The following RAB27A variants were observed in gnomAD, a reference collection of about 807,000 sequenced individuals.
RAB27A encodes RAB27A, member RAS oncogene family.
A neutral mutation model predicts 20.8 loss-of-function variants in RAB27A; 17 were observed. The observed-to-expected ratio is 0.82, with a 90% CI of 0.56 to 1.23. The LOEUF (loss-of-function observed/expected upper bound fraction) is 1.23, where lower values mean the gene tolerates loss of function less well. Ranked by LOEUF, RAB27A falls within the 50% of genes most tolerant of loss-of-function variation. RAB27A has a pLI of 0.00. For missense variants in RAB27A, 277 were observed against 266.7 expected (o/e 1.04, Z -0.27); for synonymous variants, 85 against 92.8 (o/e 0.92, Z 0.48).
At chr15:55,276,226 A>G (rs1227288333) in intron 1 of RAB27A, among the ~76,000 whole-genome samples, 1 of 152,176 alleles carries the variant, frequency 6.6e-6, no homozygotes, top group African/African-American at 2.4e-5. Flanking sequence ...ATGTCCACTG[A>G]CAATGAATGA....
At chr15:55,293,782 T>C (rs900109428), upstream of RAB27A, among the ~76,000 whole-genome samples, 2 of 152,046 alleles carry the variant, frequency 1.3e-5, no homozygotes, top group Non-Finnish European at 2.9e-5. Flanking sequence ...CCGGGCGTGG[T>C]GGTGGGTGCC....
intron 3 of RAB27A, among the ~76,000 whole-genome samples, chr15:55,232,996 G>A (rs1284065078): frequency 6.6e-6 from 1 of 152,008 alleles, no homozygotes; most frequent in Non-Finnish European, 1.5e-5. Flanking sequence ...GTGGTGGCGG[G>A]TGCCTGTAAT....
At chr15:55,283,272 T>G (rs1410400619) in intron 1 of RAB27A, among the ~76,000 whole-genome samples, 1 of 152,162 alleles carries the variant, frequency 6.6e-6, no homozygotes, top group Non-Finnish European at 1.5e-5. Context: ...AAATGTCCCA[T>G]GTGGGGTGGG....
At chr15:55,243,068 G>A (rs1896553407) in intron 2 of RAB27A, among the ~76,000 whole-genome samples, 1 of 152,162 alleles carries the variant, frequency 6.6e-6, no homozygotes, top group Admixed American at 6.5e-5. Flanking sequence ...GAGAGGTTGG[G>A]TTGAGGGATC....
In RAB27A at chr15:55,211,713, A is replaced by G. The variant is rs148726629; in HGVS notation, c.468-6008T>C. The stretch of plus-strand genomic sequence containing the variant: ...AGGCCTGTGGCAAGAAGGCCCAGAA[A>G]AGTTAAGCGGTCTGATCAATGTTAT... On this transcript the variant is annotated intron_variant, in intron 6 of 6. Coordinates refer to ENST00000336787, the MANE Select transcript of RAB27A (RefSeq NM_183235.3). 2.0e-5 allele frequency among the ~76,000 whole-genome samples: 3 copies of G among 152,324 alleles called. No homozygotes were observed. The East Asian group carries it at 5.8e-4, about 29-fold the overall frequency.
At chr15:55,247,209 T>C (rs1032641019) in intron 2 of RAB27A, among the ~76,000 whole-genome samples, 2 of 152,068 alleles carry the variant, frequency 1.3e-5, no homozygotes, top group Non-Finnish European at 2.9e-5. Flanking sequence ...AACTGGTAAG[T>C]ACAGGGAATT....
intron 6 of RAB27A, among the ~76,000 whole-genome samples, chr15:55,219,168 C>G (rs1395076328): frequency 6.6e-6 from 1 of 152,196 alleles, no homozygotes; most frequent in Admixed American, 6.5e-5. Flanking sequence ...CATATTTAGT[C>G]ACAGAGTGAA....
chr15:55,210,665 T>C (rs1252548498), intron 6 of RAB27A, among the ~76,000 whole-genome samples: 4 of 152,210 alleles, frequency 2.6e-5, no homozygotes, highest in African/African-American at 9.6e-5. Flanking sequence ...ATTCTCGTTA[T>C]TAATCCCTGA....
At chr15:55,218,916 T>C (rs1004840856) in intron 6 of RAB27A, among the ~76,000 whole-genome samples, 3 of 152,058 alleles carry the variant, frequency 2.0e-5, no homozygotes, top group Non-Finnish European at 4.4e-5. Context: ...GTAATTTTTA[T>C]ATTTTTGTAG....
rs1595695367 is a variant in RAB27A at position 55,230,448 on chromosome 15, T to C, written c.192A>G (p.Arg64=). ...RASGPDGATG[R]GQRIHLQLWD... ...ATAACTGCAGGTGGATTCTCTGGCC[T>C]CTGCCAGTGGCTCCATCCGGCCCAC... The change falls in exon 4 of 7, where the codon AGA becomes AGG. Residue 64 remains arginine, a synonymous_variant. Coordinates refer to ENST00000336787, the MANE Select transcript of RAB27A (RefSeq NM_183235.3). The C allele has an allele frequency of 6.2e-7, 1 of 1,614,012 alleles. No individual in the cohort carries two copies. The highest frequency in any genetic ancestry group is 2.2e-5 in the East Asian group (1 of 44,884).
At chr15:55,208,142 T>C (rs1403419934) in intron 6 of RAB27A, among the ~76,000 whole-genome samples, 2 of 152,146 alleles carry the variant, frequency 1.3e-5, no homozygotes, top group Non-Finnish European at 2.9e-5. Context: ...AGCGCATGAA[T>C]AGTGATATTT....
Position 55,243,439 on chromosome 15 carries a change from G to T in RAB27A, c.-22-8483C>A, listed in dbSNP as rs192673083. Among the ~76,000 whole-genome samples, 3 of 152,072 alleles carry T rather than the reference G, an allele frequency of 2.0e-5. No homozygotes were observed. The East Asian group carries it at 5.8e-4, about 29-fold the overall frequency. On this transcript the variant is annotated intron_variant, in intron 2 of 6. Coordinates refer to ENST00000336787, the MANE Select transcript of RAB27A (RefSeq NM_183235.3). ...GGAGGCCGAGGAGGGTGGATCACCTGAAGTAAGGAGTTCAAGACCAGCCTG... is the reference window on the plus strand; with the variant it reads ...GGAGGCCGAGGAGGGTGGATCACCTTAAGTAAGGAGTTCAAGACCAGCCTG...
In RAB27A at chr15:55,224,142, C is replaced by CA. The variant is rs144063944; in HGVS notation, c.344-131dup. ...ATATTGGGAATTGACATAATGCTTTCAAAGCATCAGTAATCTTATCTGTAA... is the reference window on the plus strand; with the variant it reads ...ATATTGGGAATTGACATAATGCTTTCAAAAGCATCAGTAATCTTATCTGTAA... On this transcript the variant is annotated intron_variant, in intron 5 of 6. Coordinates refer to ENST00000336787, the MANE Select transcript of RAB27A (RefSeq NM_183235.3). 9.4e-3 allele frequency: 6,578 copies of CA among 701,278 alleles called. 271 individuals are homozygous for CA. Among genetic ancestry groups the CA allele is most frequent in the African/African-American group, 0.093 (5,161 of 55,510 alleles). 43.4% of individuals were successfully genotyped at this position (701,278 alleles called of 1,614,324 possible).
At chr15:55,213,014 C>T (rs1442001256) in intron 6 of RAB27A, among the ~76,000 whole-genome samples, 2 of 152,220 alleles carry the variant, frequency 1.3e-5, no homozygotes, top group Admixed American at 6.5e-5. Flanking sequence ...CAGGATTAAT[C>T]AAGTGACAAA....
intron 1 of RAB27A, among the ~76,000 whole-genome samples, chr15:55,283,318 G>T (rs1898064916): frequency 6.6e-6 from 1 of 152,094 alleles, no homozygotes; most frequent in African/African-American, 2.4e-5. Flanking sequence ...GACATACACT[G>T]GTGTGATATC....
chr15:55,318,039 C>CA (rs1054646064), intron 1 of RAB27A, among the ~76,000 whole-genome samples: 1 of 150,882 alleles, frequency 6.6e-6, no homozygotes, highest in Non-Finnish European at 1.5e-5. Context: ...GGGTATAAGA[C>CA]AAAACTAAAA....
chr15:55,291,510 CAAAAAAAAAAAAAA>C (rs530643102), upstream of RAB27A, among the ~76,000 whole-genome samples: 47 of 69,026 alleles, frequency 6.8e-4, no homozygotes, highest in East Asian at 5.6e-3. Flanking sequence ...GACTCTGTTT[CAAAAAAAAAAAAAA>C]AAAAAAAAAA....
At chr15:55,303,848 GC>G (rs1376092091) in intron 2 of RAB27A, among the ~76,000 whole-genome samples, 1 of 135,324 alleles carries the variant, frequency 7.4e-6, no homozygotes, top group Non-Finnish European at 1.6e-5. Context: ...GGGGGGGTCA[GC>G]CCCCCTGCCC....
chr15:55,215,945 C>CAAAAAAAA (rs1162706734), intron 6 of RAB27A, among the ~76,000 whole-genome samples: 84 of 52,750 alleles, frequency 1.6e-3, no homozygotes, highest in Admixed American at 2.7e-3. Context: ...GACGCCGTCT[C>CAAAAAAAA]AAAAAAAAAA....
Sources: gnomAD v4.1 joint callset for allele counts (sites outside exome capture counted in the v4.1 genomes callset) on GRCh38, gnomAD v4.1.1 for gene constraint, MANE v1.5 for transcripts, NCBI Gene and HGNC (gene_info 2026-07-23, HGNC 2026-07-21) for gene names.